Variants in RNH1 observed in about 807,000 individuals in gnomAD.
RNH1 encodes ribonuclease inhibitor.
In RNH1, 38 loss-of-function variants were observed where a neutral mutation model predicts 46.1. The observed-to-expected ratio is 0.82, with a 90% confidence interval of 0.64 to 1.08. RNH1 has a LOEUF of 1.08. Among genes scored for constraint, RNH1 ranks in the 50% least tolerant of loss-of-function variants. The probability of loss-of-function intolerance (pLI) is 0.00; values close to 1 mark genes in which losing one functional copy is unlikely to be tolerated. For synonymous variants in RNH1, 319 were observed against 279.1 expected, an observed-to-expected ratio of 1.14 and a Z score of -1.43; for missense variants, 577 against 590.7, an observed-to-expected ratio of 0.98 and a Z score of 0.24.
intron 7 of RNH1, 57 bp downstream of exon 7, chr11:498,706 C>G: frequency 1.9e-6 from 3 of 1,593,326 alleles, no homozygotes; most frequent in Non-Finnish European, 2.6e-6. Context: ...GGGGAGAGCT[C>G]TGAGGACGGC....
At position 500,586 on chromosome 11, in the gene RNH1, G is replaced by A; in HGVS notation, c.170C>T (p.Ala57Val). ...GCTGCGCAGGTTGAGCTCTGCCAGT[G>A]CAGGGTTGACTCGAAGTGCAGAGCT... ...DISSALRVNP[A>V]LAELNLRSNE... The change falls in exon 4 of 11, where the codon GCA becomes GTA. Residue 57 changes from alanine (A) to valine (V), a missense_variant. Ala to Val is a moderately conservative substitution (Grantham distance 64). Transcript: ENST00000354420. The A allele has an allele frequency of 6.2e-7, 1 of 1,610,594 alleles. No homozygotes were observed. The highest frequency in any genetic ancestry group is 8.5e-7 in the Non-Finnish European group (1 of 1,179,994).
chr11:499,629 TC>T (rs1223883405), intron 5 of RNH1, 199 bp downstream of exon 5: 7 of 745,172 alleles, frequency 9.4e-6, no homozygotes, highest in African/African-American at 8.6e-5. Context: ...TGATGACAGA[TC>T]CCCCCAGCCC....
chr11:499,832 A>G lies in RNH1; in HGVS notation c.440T>C (p.Leu147Pro), dbSNP rs1190072445. Residue 147 changes from leucine to proline, a missense_variant, in exon 5 of 11, where the codon CTG becomes CCG. Transcript: ENST00000354420. The part of the protein sequence containing the change: ...LLDPQCRLEK[L>P]QLEYCSLSAA... Reference sequence around the variant, plus strand: ...CTGGGGCAGGACACAAACTCACTGCAGCTTTTCCAGGCGGCACTGGGGGTC... The same window carrying G: ...CTGGGGCAGGACACAAACTCACTGCGGCTTTTCCAGGCGGCACTGGGGGTC... The G allele has an allele frequency of 3.1e-6, 5 of 1,606,492 alleles. No homozygotes were observed. Among genetic ancestry groups the G allele is most frequent in the Admixed American group, 1.7e-5 (1 of 59,568 alleles).
chr11:506,557 T>A (rs1024081967), intron 1 of RNH1: 2 of 152,064 alleles, frequency 1.3e-5, no homozygotes, highest in Non-Finnish European at 2.9e-5. Context: ...AGCTCCGCAA[T>A]GGAGAGCGGA....
chr11:502,206 G>A lies in RNH1; in HGVS notation c.-44C>T. 2.0e-6 allele frequency: 3 copies of A among 1,491,788 alleles called. No homozygotes were observed. The highest frequency in any genetic ancestry group is 2.8e-6 in the Non-Finnish European group (3 of 1,083,954). The allele number at this position is 1,491,788 out of a possible 1,614,324, so 92.4% of individuals were successfully genotyped here. On this transcript the variant is annotated 5_prime_UTR_variant, in exon 3 of 11. Coordinates refer to ENST00000354420, the MANE Select transcript of RNH1 (RefSeq NM_203387.3). The surrounding 1 kb of genome is among the most constrained non-coding windows in gnomAD (Gnocchi z 5.8). The stretch of plus-strand genomic sequence containing the variant: ...CCTGGGTGGGAGGCAGAGGGAAGAG[G>A]ACGTCTTGGCCGAATCCCCTCACAG...
chr11:497,904 G>A (rs376176074), intron 9 of RNH1, 67 bp downstream of exon 9: 92 of 1,541,856 alleles, frequency 6.0e-5, no homozygotes, highest in South Asian at 3.4e-4. Flanking sequence ...GTGCACTCTC[G>A]CCCTTGTGTG....
intron 1 of RNH1, 29 bp from the exon 2 acceptor site, chr11:505,025 T>A (rs117339389): frequency 0.099 from 14,821 of 150,154 alleles, 991 homozygotes; most frequent in Admixed American, 0.19. Flanking sequence ...TTCAAAATCT[T>A]TTTTTTTTTG....
At position 494,875 on chromosome 11, in the gene RNH1, GC is replaced by G; in HGVS notation, c.1298+7del. The G allele has an allele frequency of 6.2e-7, 1 of 1,611,868 alleles. No homozygotes were observed. The highest frequency in any genetic ancestry group is 1.7e-5 in the Admixed American group (1 of 59,820). On this transcript the variant is annotated splice_region_variant and intron_variant, in intron 10 of 10. Coordinates refer to ENST00000354420, the MANE Select transcript of RNH1 (RefSeq NM_203387.3). ...TGGCCGCACCACCCGCCCAGCGCGT[GC>G]ACATACACCAGCTGCTCCAGGAGGC...
chr11:497,674 T>C (rs1393429666), intron 9 of RNH1, among the ~76,000 whole-genome samples: 3 of 85,974 alleles, frequency 3.5e-5, no homozygotes, highest in Admixed American at 1.2e-4. Context: ...CACACACACG[T>C]GCTCACCCAT....
At position 499,830 on chromosome 11, in the gene RNH1, G is replaced by A. The variant is rs1565029940; in HGVS notation, c.442C>T (p.Gln148Ter). Reference protein sequence around the residue: ...LDPQCRLEKLQLEYCSLSAAS... With the variant: ...LDPQCRLEKL ...CCCTGGGGCAGGACACAAACTCACT[G>A]CAGCTTTTCCAGGCGGCACTGGGGG... is the stretch of plus-strand genomic sequence containing the variant. Residue 148 changes from glutamine (Q) to a stop codon, truncating the protein, a stop_gained and splice_region_variant, in exon 5 of 11, where the codon CAG becomes TAG. Coordinates refer to ENST00000354420, the MANE Select transcript of RNH1 (RefSeq NM_203387.3). LOFTEE classifies it high-confidence loss of function. 1 of 1,606,084 alleles carries A rather than the reference G, an allele frequency of 6.2e-7. No homozygotes were observed. Among genetic ancestry groups the A allele is most frequent in the Non-Finnish European group, 8.5e-7 (1 of 1,175,856 alleles).
chr11:498,993 C>A, intron 6 of RNH1, 22 bp downstream of exon 6: 1 of 1,612,340 alleles, frequency 6.2e-7, no homozygotes, highest in Non-Finnish European at 8.5e-7. Context: ...CACCCCGCAC[C>A]CCCCCAAGGC....
chr11:500,826 T>G, intron 3 of RNH1, 172 bp from the exon 4 acceptor site: 2 of 834,506 alleles, frequency 2.4e-6, no homozygotes, highest in Non-Finnish European at 3.9e-6. Flanking sequence ...CATGAAAGTT[T>G]TGTTTAAGAT....
In RNH1 at chr11:498,645, CCA is replaced by C. The variant is rs923875959; in HGVS notation, c.786-20_786-19del. 7 of 1,610,690 alleles carry C rather than the reference CCA, an allele frequency of 4.3e-6. No homozygotes were observed. The African/African-American group carries it at 5.3e-5, about 12-fold the overall frequency. On this transcript the variant is annotated intron_variant, in intron 7 of 10. Coordinates refer to ENST00000354420, the MANE Select transcript of RNH1 (RefSeq NM_203387.3). The stretch of plus-strand genomic sequence containing the variant: ...CCCAGATCCTGCAGGACATGGACCA[CCA>C]CAGACTTTCCTCAGCACCGTCTCAT...
At chr11:496,034 G>A (rs539459273) in intron 9 of RNH1, among the ~76,000 whole-genome samples, 15 of 150,996 alleles carry the variant, frequency 9.9e-5, no homozygotes, top group East Asian at 3.9e-4. Flanking sequence ...TAATTAGAGG[G>A]TCACTCCACA....
intron 9 of RNH1, 119 bp downstream of exon 9, chr11:497,852 G>A (rs1689123417): frequency 5.6e-6 from 7 of 1,260,754 alleles, no homozygotes; most frequent in Non-Finnish European, 7.7e-6. Context: ...TCACCCATGT[G>A]TGCTCACATA....
rs776141757 is a variant in RNH1 at position 501,540 on chromosome 11, G to A, written c.101+522C>T. The A allele has an allele frequency of 5.0e-5, 8 of 159,558 alleles. No homozygotes were observed. Among genetic ancestry groups the A allele is most frequent in the Non-Finnish European group, 1.1e-4 (8 of 72,178 alleles). 9.9% of individuals were successfully genotyped at this position (159,558 alleles called of 1,614,324 possible). ...CAGGTACACAGGACCACCTCACCAG[G>A]GAGCCCCGTCCGGTCCTCGTAACTC... On this transcript the variant is annotated intron_variant, in intron 3 of 10. Transcript: ENST00000354420. This position sits in a 1 kb window ranked among gnomAD's most constrained non-coding sequence, Gnocchi z 4.1.
At position 501,008 on chromosome 11, in the gene RNH1, A is replaced by T. The variant is rs967312041; in HGVS notation, c.102-354T>A. The T allele has an allele frequency of 5.3e-6, 2 of 375,768 alleles. No homozygotes were observed. The highest frequency in any genetic ancestry group is 1.0e-5 in the Non-Finnish European group (2 of 193,804). 23.3% of individuals were successfully genotyped at this position (375,768 alleles called of 1,614,324 possible). A position where few individuals can be genotyped will look rare whatever the true frequency, so the allele number is the denominator to read the frequency against. ...CCGGGCGTGGTGGCGCATGCCCATA[A>T]TCCCAGCTACTCGGGAGGCTGAGGC... On this transcript the variant is annotated intron_variant, in intron 3 of 10. Coordinates refer to ENST00000354420, the MANE Select transcript of RNH1 (RefSeq NM_203387.3). The surrounding 1 kb of genome is among the most constrained non-coding windows in gnomAD (Gnocchi z 4.1).
chr11:499,910 C>T lies in RNH1; in HGVS notation c.362G>A (p.Ser121Asn). ...TLPTLQELHLSDNLLGDAGLQ... is the reference protein window; with the variant it reads ...TLPTLQELHLNDNLLGDAGLQ... ...GCCCGCATCCCCCAAGAGGTTGTCG[C>T]TGAGGTGCAGCTCCTGCAGGGTGGG... Residue 121 changes from serine (S) to asparagine (N), a missense_variant, in exon 5 of 11, where the codon AGC (serine) becomes AAC (asparagine). By Grantham distance (46) the Ser-to-Asn change is conservative. Coordinates refer to ENST00000354420, the MANE Select transcript of RNH1 (RefSeq NM_203387.3). The T allele has an allele frequency of 6.2e-7, 1 of 1,613,168 alleles. No homozygotes were observed. The highest frequency in any genetic ancestry group is 1.1e-5 in the South Asian group (1 of 91,054).
In RNH1 at chr11:498,802, G is replaced by A. The variant is rs1179478264; in HGVS notation, c.746C>T (p.Pro249Leu). 1.9e-6 allele frequency: 3 copies of A among 1,607,172 alleles called. No homozygotes were observed. Among genetic ancestry groups the A allele is most frequent in the Admixed American group, 1.7e-5 (1 of 59,912 alleles). ...LGDVGMAELC[P>L]GLLHPSSRLR... ...CCTGGAGCTGGGGTGGAGCAGCCCT[G>A]GGCACAGCTCCGCCATGCCCACATC... The change falls in exon 7 of 11, where the codon CCA becomes CTA. Residue 249 changes from proline to leucine, a missense_variant. Transcript: ENST00000354420.
Sources: gnomAD v4.1 joint callset for allele counts (sites outside exome capture counted in the v4.1 genomes callset) on GRCh38, gnomAD v4.1.1 for gene constraint, Gnocchi (gnomAD v3.1) non-coding constraint, MANE v1.5 for transcripts, NCBI Gene and HGNC (gene_info 2026-07-23, HGNC 2026-07-21) for gene names.